The following CCDC39 variants were observed in gnomAD, a reference collection of about 807,000 sequenced individuals.
CCDC39 encodes the protein coiled-coil domain-containing protein 39.
In CCDC39, 113 loss-of-function variants were observed where a neutral mutation model predicts 121.0. The observed-to-expected ratio is 0.93, with a 90% confidence interval of 0.80 to 1.09. CCDC39 has a LOEUF of 1.09. CCDC39 is among the 50% of genes least tolerant of loss of function. The pLI, the probability that CCDC39 is intolerant of heterozygous loss-of-function variation, is 0.00. For missense variants in CCDC39, 1,063 were observed against 1,074.7 expected (o/e 0.99, Z 0.15); for synonymous variants, 349 against 352.2 (o/e 0.99, Z 0.10).
intron 14 of CCDC39, among the ~76,000 whole-genome samples, chr3:180,628,725 T>A (rs1293685893): frequency 6.6e-6 from 1 of 152,220 alleles, no homozygotes; most frequent in East Asian, 1.9e-4. Context: ...ATGTATTTTG[T>A]CTTCCAGTAC....
chr3:180,679,307 T>C lies in CCDC39; in HGVS notation c.74A>G (p.Lys25Arg), dbSNP rs746065448. ...TGATCTCACCTGATCTTCCAGTAGC[T>C]TGTTCTCCTCGTTCGCCACCGGGAT... Reference protein sequence around the residue: ...FAIPVANEENKLLEDQLSKLK... With the variant: ...FAIPVANEENRLLEDQLSKLK... Residue 25 changes from lysine to arginine, a missense_variant, in exon 1 of 20, where the codon AAG (lysine) becomes AGG (arginine). Transcript: ENST00000476379. The surrounding 1 kb of genome is among the most constrained non-coding windows in gnomAD (Gnocchi z 4.0). The C allele has an allele frequency of 6.2e-7, 1 of 1,613,852 alleles. No homozygotes were observed. Among genetic ancestry groups the C allele is most frequent in the Admixed American group, 1.7e-5 (1 of 60,020 alleles).
intron 19 of CCDC39, 29 bp downstream of exon 19, chr3:180,616,252 A>C: frequency 6.2e-7 from 1 of 1,603,330 alleles, no homozygotes; most frequent in Non-Finnish European, 8.5e-7. Context: ...GTGAGAGTTA[A>C]GCAGATTTTT....
rs1419892382 is a variant in CCDC39, at chr3:180,644,135, G to A, written c.1650C>T (p.Ala550=). The A allele has an allele frequency of 6.5e-7, 1 of 1,543,880 alleles. No homozygotes were observed. The change falls in exon 12 of 20, where the codon GCC becomes GCT. Residue 550 remains alanine (A), a synonymous_variant. Transcript: ENST00000476379. ...TTTACTGCACCTGCTTAAAACCTTT[G>A]GCTTTATCAAGTTCTTTCTCTGATC... ...IDRSEKELDK[A]KGFKQDLMIE... is the part of the protein sequence containing the mutation.
chr3:180,662,164 C>T lies in CCDC39; in HGVS notation c.211-157G>A, dbSNP rs560153365. Among the ~76,000 whole-genome samples the T allele has an allele frequency of 2.0e-5, 3 of 152,220 alleles. No individual in the cohort carries two copies. The East Asian group carries it at 5.8e-4, about 29-fold the overall frequency. On this transcript the variant is annotated intron_variant, in intron 2 of 19. Transcript: ENST00000476379. The stretch of plus-strand genomic sequence containing the variant: ...ACTCTAAAATCTACATTACATTAGA[C>T]TGTGATTACAATATAGTTGGTGTTG...
chr3:180,665,436 C>T (rs758523231), intron 1 of CCDC39, among the ~76,000 whole-genome samples: 5 of 151,926 alleles, frequency 3.3e-5, no homozygotes, highest in East Asian at 1.9e-4. Flanking sequence ...ACACAATCCA[C>T]GGAAGTGTGA....
At chr3:180,675,189 T>G (rs1286004315) in intron 1 of CCDC39, among the ~76,000 whole-genome samples, 1 of 152,220 alleles carries the variant, frequency 6.6e-6, no homozygotes, top group African/African-American at 2.4e-5. Flanking sequence ...AGATTCAACT[T>G]CTTCCTGGTT....
At chr3:180,662,101 C>A in intron 2 of CCDC39, 94 bp from the exon 3 acceptor site, 1 of 1,237,722 alleles carries the variant, frequency 8.1e-7, no homozygotes, top group South Asian at 1.5e-5. Flanking sequence ...AAACAAAGTT[C>A]CCATAAATTG....
chr3:180,640,049 C>T (rs1323845630), intron 13 of CCDC39, among the ~76,000 whole-genome samples: 1 of 151,786 alleles, frequency 6.6e-6, no homozygotes, highest in Non-Finnish European at 1.5e-5. Flanking sequence ...ATCAGTTGTC[C>T]GGAGAGAGAA....
chr3:180,672,301 A>G (rs1177337441), intron 1 of CCDC39, among the ~76,000 whole-genome samples: 1 of 152,156 alleles, frequency 6.6e-6, no homozygotes, highest in Non-Finnish European at 1.5e-5. Flanking sequence ...AAGGAATATT[A>G]CTGCTCATTG....
intron 16 of CCDC39, 45 bp downstream of exon 16, chr3:180,619,214 G>T: frequency 2.3e-6 from 2 of 860,010 alleles, no homozygotes; most frequent in South Asian, 1.4e-5. Flanking sequence ...AATGATAGTT[G>T]ACTTTTATTG....
At chr3:180,640,788 G>T (rs146089922) in intron 13 of CCDC39, among the ~76,000 whole-genome samples, 1 of 151,944 alleles carries the variant, frequency 6.6e-6, no homozygotes, top group South Asian at 2.1e-4. Context: ...AGTTGAAAAT[G>T]TTCCCCCATA....
intron 13 of CCDC39, among the ~76,000 whole-genome samples, chr3:180,640,761 A>C (rs1000591534): frequency 6.6e-6 from 1 of 152,104 alleles, no homozygotes; most frequent in Non-Finnish European, 1.5e-5. Flanking sequence ...TGTCCTATAA[A>C]CAGTATATAA....
intron 6 of CCDC39, 35 bp from the exon 7 acceptor site, chr3:180,654,988 T>A (rs565421077): frequency 7.7e-7 from 1 of 1,306,896 alleles, no homozygotes; most frequent in African/African-American, 1.5e-5. Context: ...CTTAAATATA[T>A]GTTTAAACTG....
chr3:180,619,666 G>A (rs368080836), intron 15 of CCDC39, 145 bp downstream of exon 15: 75 of 573,760 alleles, frequency 1.3e-4, no homozygotes, highest in African/African-American at 5.5e-4. Context: ...AAAAAATGTC[G>A]TGGGGGGAGG....
At chr3:180,615,255 G>GA (rs890015677) in intron 19 of CCDC39, among the ~76,000 whole-genome samples, 178 bp from the exon 20 acceptor site, 1 of 152,068 alleles carries the variant, frequency 6.6e-6, no homozygotes, top group African/African-American at 2.4e-5. Context: ...AACAGGAAAG[G>GA]AAAGATGAAC....
chr3:180,672,287 A>G (rs1712070965), intron 1 of CCDC39, among the ~76,000 whole-genome samples: 1 of 152,148 alleles, frequency 6.6e-6, no homozygotes, highest in Admixed American at 6.5e-5. Context: ...GCTGCTCAGA[A>G]AAAAAGGAAT....
intron 16 of CCDC39, among the ~76,000 whole-genome samples, chr3:180,618,274 C>G (rs1176151955): frequency 6.6e-6 from 1 of 151,960 alleles, no homozygotes. Context: ...TTATGTAATT[C>G]AACTGGAAAG....
intron 13 of CCDC39, among the ~76,000 whole-genome samples, chr3:180,634,592 C>T (rs1404859267): frequency 2.6e-5 from 4 of 152,156 alleles, no homozygotes; most frequent in African/African-American, 4.8e-5. Flanking sequence ...ACCCTGAGAT[C>T]ACCCCAGAGC....
chr3:180,654,621 C>T (rs931563604), intron 7 of CCDC39, 141 bp downstream of exon 7: 1 of 441,388 alleles, frequency 2.3e-6, no homozygotes, highest in Admixed American at 7.0e-5. Flanking sequence ...AACAAAGAGA[C>T]ATTAAAAAAA....
Sources: gnomAD v4.1 joint callset for allele counts (sites outside exome capture counted in the v4.1 genomes callset) on GRCh38, gnomAD v4.1.1 for gene constraint, Gnocchi (gnomAD v3.1) non-coding constraint, MANE v1.5 for transcripts, NCBI Gene and HGNC (gene_info 2026-07-23, HGNC 2026-07-21) for gene names.